The following CDYL2 variants were observed in gnomAD, a reference collection of about 807,000 sequenced individuals.
CDYL2 encodes the protein chromodomain Y-like protein 2.
Under a neutral mutation model 49.4 loss-of-function variants are expected in CDYL2, and 23 were observed. The ratio of observed to expected loss-of-function variants is 0.47; its 90% CI spans 0.34 to 0.66. CDYL2 has a LOEUF of 0.66. CDYL2 is among the 30% of genes least tolerant of loss of function. CDYL2 has a pLI of 0.01. For synonymous variants in CDYL2, 360 were observed against 268.8 expected (o/e 1.34, Z -3.32); for missense variants, 678 against 656.4 (o/e 1.03, Z -0.36).
intron 2 of CDYL2, among the ~76,000 whole-genome samples, chr16:80,637,227 A>T (rs926076200): frequency 3.3e-4 from 1 of 2,990 alleles, no homozygotes; most frequent in African/African-American, 5.2e-4. Flanking sequence ...CACAAACTTA[A>T]AAAAAAAAGG....
At chr16:80,733,773 T>C (rs185260597) in intron 1 of CDYL2, among the ~76,000 whole-genome samples, 2 of 152,184 alleles carry the variant, frequency 1.3e-5, no homozygotes, top group Non-Finnish European at 2.9e-5. Context: ...GACCCAGTGA[T>C]TGCCTTTAAC....
At chr16:80,709,464 G>T (rs1904517924) in intron 1 of CDYL2, among the ~76,000 whole-genome samples, 1 of 151,028 alleles carries the variant, frequency 6.6e-6, no homozygotes, top group Non-Finnish European at 1.5e-5. Flanking sequence ...CGCAAATTTT[G>T]CATTTTCTTG....
intron 1 of CDYL2, among the ~76,000 whole-genome samples, chr16:80,771,389 T>G (rs989594513): frequency 1.3e-5 from 2 of 151,978 alleles, no homozygotes; most frequent in Admixed American, 6.6e-5. Flanking sequence ...GAACTAAAAG[T>G]CAACAATGAA....
chr16:80,708,250 G>A (rs1904472413), intron 1 of CDYL2, among the ~76,000 whole-genome samples: 1 of 152,176 alleles, frequency 6.6e-6, no homozygotes, highest in Non-Finnish European at 1.5e-5. Flanking sequence ...CACGTGTCAA[G>A]GTCAGGGCCA....
intron 2 of CDYL2, among the ~76,000 whole-genome samples, chr16:80,664,850 C>T (rs981660254): frequency 5.9e-5 from 9 of 152,180 alleles, no homozygotes; most frequent in Non-Finnish European, 8.8e-5. Context: ...GGTAATGACC[C>T]TCCCTGCTAG....
chr16:80,627,076 G>C (rs896605045), intron 3 of CDYL2, among the ~76,000 whole-genome samples: 3 of 152,034 alleles, frequency 2.0e-5, no homozygotes, highest in Non-Finnish European at 2.9e-5. Context: ...AAAAAACAGG[G>C]CTGGATGTCA....
At position 80,602,272 on chromosome 16, in the gene CDYL2, G is replaced by C. The variant is rs1057019916; in HGVS notation, c.*2116C>G. On this transcript the variant is annotated 3_prime_UTR_variant, in exon 7 of 7. Coordinates refer to ENST00000570137, the MANE Select transcript of CDYL2 (RefSeq NM_152342.4). ...CCCTATAGTAACTCCCTGTAGGACA[G>C]GTCCGAAGTCCTTACAGGATCCTAC... 2 of 152,194 alleles carry C rather than the reference G, an allele frequency of 1.3e-5. No individual in the cohort carries two copies. The highest frequency in any genetic ancestry group is 2.9e-5 in the Non-Finnish European group (2 of 68,034). 9.4% of individuals were successfully genotyped at this position (152,194 alleles called of 1,614,324 possible).
intron 1 of CDYL2, among the ~76,000 whole-genome samples, chr16:80,737,776 C>G (rs1025839456): frequency 6.6e-6 from 1 of 152,198 alleles, no homozygotes; most frequent in African/African-American, 2.4e-5. Context: ...GTCCCCAGGT[C>G]TGGGAACCAC....
intron 2 of CDYL2, among the ~76,000 whole-genome samples, chr16:80,634,443 C>A (rs1358735862): frequency 6.6e-6 from 1 of 152,150 alleles, no homozygotes; most frequent in Non-Finnish European, 1.5e-5. Flanking sequence ...GGGAATTGAA[C>A]AATGAGAACA....
chr16:80,653,908 G>C (rs898111733), intron 2 of CDYL2, among the ~76,000 whole-genome samples: 1 of 152,176 alleles, frequency 6.6e-6, no homozygotes, highest in Non-Finnish European at 1.5e-5. Context: ...TGAGAGCCAG[G>C]ATCCAGACAA....
At chr16:80,658,063 T>TAA (rs201798442) in intron 2 of CDYL2, among the ~76,000 whole-genome samples, 3 of 124,130 alleles carry the variant, frequency 2.4e-5, no homozygotes, top group South Asian at 2.4e-4. Context: ...CCTTTAAATG[T>TAA]AAAAAAAAAA....
At chr16:80,687,145 A>G (rs911560247) in intron 1 of CDYL2, among the ~76,000 whole-genome samples, 1 of 152,240 alleles carries the variant, frequency 6.6e-6, no homozygotes, top group Admixed American at 6.5e-5. Context: ...GAGGAAAGAG[A>G]GTAAGCAATC....
At chr16:80,645,814 G>A (rs1303192260) in intron 2 of CDYL2, among the ~76,000 whole-genome samples, 1 of 151,878 alleles carries the variant, frequency 6.6e-6, no homozygotes, top group Admixed American at 6.5e-5. Flanking sequence ...CATAAAAAAG[G>A]ATGAGTTCAT....
At chr16:80,804,936 G>A (rs1345099362), upstream of CDYL2, among the ~76,000 whole-genome samples, 1 of 152,102 alleles carries the variant, frequency 6.6e-6, no homozygotes, top group Non-Finnish European at 1.5e-5. Flanking sequence ...GACGCCGCCT[G>A]GGAGACCTGG....
rs542634019 is a variant in CDYL2, at chr16:80,616,582, G to A, written c.1008-3746C>T. On this transcript the variant is annotated intron_variant, in intron 4 of 6. Transcript: ENST00000570137. The stretch of plus-strand genomic sequence containing the variant: ...AACCCTCCCCCAGCCAAAGCTCAGA[G>A]CCAAGTCAGCCAGTACGGGACCAAA... Among the ~76,000 whole-genome samples, 5 of 152,272 alleles carry A rather than the reference G, an allele frequency of 3.3e-5. No individual in the cohort carries two copies. In the East Asian group the frequency reaches 9.7e-4, roughly 29 times the overall value.
chr16:80,689,919 G>A (rs192000724), intron 1 of CDYL2, among the ~76,000 whole-genome samples: 202 of 152,114 alleles, frequency 1.3e-3, no homozygotes, highest in African/African-American at 3.9e-3. Context: ...TCAGGAGTTC[G>A]AAACCAGCCT....
At chr16:80,755,612 TA>T (rs1419726380) in intron 1 of CDYL2, among the ~76,000 whole-genome samples, 1 of 152,232 alleles carries the variant, frequency 6.6e-6, no homozygotes, top group African/African-American at 2.4e-5. Context: ...TTGAGATACT[TA>T]TCCTCAGAAA....
chr16:80,760,120 G>C (rs952418218), intron 1 of CDYL2, among the ~76,000 whole-genome samples: 2 of 152,300 alleles, frequency 1.3e-5, no homozygotes, highest in East Asian at 3.9e-4. Flanking sequence ...GACTCCCTTA[G>C]ACTAGCAGGC....
chr16:80,771,458 C>G (rs764610919), intron 1 of CDYL2, among the ~76,000 whole-genome samples: 2 of 152,252 alleles, frequency 1.3e-5, no homozygotes, highest in Non-Finnish European at 2.9e-5. Context: ...AATCCCAGCA[C>G]TTCGGGAGGC....
Sources: gnomAD v4.1 joint callset for allele counts (sites outside exome capture counted in the v4.1 genomes callset) on GRCh38, gnomAD v4.1.1 for gene constraint, MANE v1.5 for transcripts, NCBI Gene and HGNC (gene_info 2026-07-23, HGNC 2026-07-21) for gene names.